Variants in ABLIM1 observed in about 807,000 individuals in gnomAD.
ABLIM1 encodes the protein actin-binding LIM protein 1.
A neutral mutation model predicts 107.0 loss-of-function variants in ABLIM1; 40 were observed. That is an observed-to-expected ratio of 0.37 (90% CI 0.29 to 0.49). ABLIM1 has a LOEUF of 0.49. Ranked by LOEUF, ABLIM1 falls within the 20% of genes least tolerant of loss-of-function variation. ABLIM1 has a pLI of 0.97. For synonymous variants in ABLIM1, 357 were observed against 357.3 expected (o/e 1.00, Z 0.01); for missense variants, 857 against 1,008.5 (o/e 0.85, Z 2.04).
intron 6 of ABLIM1, among the ~76,000 whole-genome samples, chr10:114,517,712 T>C (rs2063097019): frequency 6.6e-6 from 1 of 152,152 alleles, no homozygotes; most frequent in Admixed American, 6.5e-5. Flanking sequence ...TTCACAGAAA[T>C]TGCCTCATAA....
chr10:114,676,099 T>A (rs903925967), intron 1 of ABLIM1, among the ~76,000 whole-genome samples: 1 of 152,146 alleles, frequency 6.6e-6, no homozygotes, highest in East Asian at 1.9e-4. Context: ...ATTCAATGCA[T>A]AACCAGAAGA....
intron 1 of ABLIM1, among the ~76,000 whole-genome samples, chr10:114,643,100 G>T (rs1210936337): frequency 6.6e-6 from 1 of 152,108 alleles, no homozygotes; most frequent in Non-Finnish European, 1.5e-5. Context: ...ATTAAGAGAT[G>T]AATTAAAATA....
chr10:114,644,920 A>G (rs749208574), intron 1 of ABLIM1, among the ~76,000 whole-genome samples: 1 of 152,194 alleles, frequency 6.6e-6, no homozygotes, highest in Non-Finnish European at 1.5e-5. Context: ...CTGGTCCTGG[A>G]GCAGCCTGGA....
At chr10:114,508,129 T>G (rs1041920604) in intron 6 of ABLIM1, among the ~76,000 whole-genome samples, 3 of 152,200 alleles carry the variant, frequency 2.0e-5, no homozygotes, top group African/African-American at 7.2e-5. Context: ...CAGGCTTTGT[T>G]GCATTTCATG....
chr10:114,621,616 T>C (rs2077469096), intron 1 of ABLIM1, among the ~76,000 whole-genome samples: 1 of 152,172 alleles, frequency 6.6e-6, no homozygotes, highest in South Asian at 2.1e-4. Context: ...CTGATTCCCT[T>C]GGGACTATAG....
chr10:114,611,395 C>T (rs2076800062), intron 1 of ABLIM1, among the ~76,000 whole-genome samples: 1 of 151,848 alleles, frequency 6.6e-6, no homozygotes, highest in African/African-American at 2.4e-5. Context: ...ATTGCTTGAA[C>T]CCAGGAGGCA....
chr10:114,745,321 G>A (rs1260381579), intron 1 of ABLIM1, among the ~76,000 whole-genome samples: 1 of 152,236 alleles, frequency 6.6e-6, no homozygotes, highest in African/African-American at 2.4e-5. Flanking sequence ...AGCACTTTGG[G>A]AGGCCAAGGC....
intron 1 of ABLIM1, chr10:114,690,404 A>G: frequency 6.2e-7 from 1 of 1,605,146 alleles, no homozygotes; most frequent in Non-Finnish European, 8.5e-7. Context: ...ATTTCTCCCC[A>G]TAGATGGACT....
At chr10:114,799,682 A>G in the ABLIM1 span, among the ~76,000 whole-genome samples, 10 of 152,230 alleles carry the variant, frequency 6.6e-5, no homozygotes, top group African/African-American at 2.4e-4. Context: ...AGCCACCATC[A>G]CTTCTTACTG....
intron 4 of ABLIM1, among the ~76,000 whole-genome samples, chr10:114,558,506 T>C (rs1057014465): frequency 6.6e-6 from 1 of 152,174 alleles, no homozygotes; most frequent in Non-Finnish European, 1.5e-5. Context: ...AGGGCTGGAC[T>C]CAATGGCTGA....
chr10:114,630,060 T>C (rs964475160), intron 1 of ABLIM1, among the ~76,000 whole-genome samples: 9 of 152,144 alleles, frequency 5.9e-5, no homozygotes, highest in Admixed American at 2.6e-4. Flanking sequence ...GCCAGTGACT[T>C]GTAGAGCAAT....
the ABLIM1 span, among the ~76,000 whole-genome samples, chr10:114,800,060 G>C: frequency 6.6e-6 from 1 of 152,204 alleles, no homozygotes; most frequent in Non-Finnish European, 1.5e-5. Context: ...ACAGGTGTGA[G>C]TCACCGCAGC....
chr10:114,445,436 A>G, intron 15 of ABLIM1, 33 bp from the exon 16 acceptor site: 2 of 1,575,286 alleles, frequency 1.3e-6, no homozygotes, highest in Non-Finnish European at 1.7e-6. Flanking sequence ...TTCTCACATC[A>G]GCCCCAAGAC....
rs1377895070 is a variant in ABLIM1, at chr10:114,680,208, G to A, written c.64+4082C>T. On this transcript the variant is annotated intron_variant, in intron 1 of 23. Transcript: ENST00000369256. ...TATTACGCGGGAGGCACTGTGCCAT[G>A]AGTCTTATAGATATTCTCACTTCAT... is the stretch of plus-strand genomic sequence containing the variant. Among the ~76,000 whole-genome samples, 3 of 152,186 alleles carry A rather than the reference G, an allele frequency of 2.0e-5. No homozygotes were observed. In the East Asian group the frequency reaches 5.8e-4, roughly 29 times the overall value.
intron 1 of ABLIM1, among the ~76,000 whole-genome samples, chr10:114,690,911 A>G (rs908631222): frequency 1.3e-5 from 2 of 152,116 alleles, no homozygotes; most frequent in African/African-American, 4.8e-5. Context: ...CGAACTCCTG[A>G]CCTCAACTGA....
chr10:114,526,139 A>G (rs2064697622), intron 6 of ABLIM1, among the ~76,000 whole-genome samples: 1 of 152,108 alleles, frequency 6.6e-6, no homozygotes, highest in African/African-American at 2.4e-5. Flanking sequence ...CCTTATTTTC[A>G]TTTATTGGGT....
Position 114,439,089 on chromosome 10 carries a change from C to A in ABLIM1, c.2142+87G>T, listed in dbSNP as rs758940140. 1.2e-4 allele frequency: 185 copies of A among 1,521,102 alleles called. 1 individual carries two copies. The highest frequency in any genetic ancestry group is 1.7e-4 in the Non-Finnish European group (183 of 1,099,404). The allele number at this position is 1,521,102 out of a possible 1,614,324, so 94.2% of individuals were successfully genotyped here. A position where few individuals can be genotyped will look rare whatever the true frequency, so the allele number is the denominator to read the frequency against. ...CACCTGAACACACCAGCCTACAACA[C>A]TTTGAGAATGATGAAAAGATAGAAC... On this transcript the variant is annotated intron_variant, in intron 21 of 22. Transcript: ENST00000533213.
chr10:114,597,791 G>A (rs754143055), intron 2 of ABLIM1, among the ~76,000 whole-genome samples: 4 of 152,108 alleles, frequency 2.6e-5, no homozygotes, highest in Non-Finnish European at 5.9e-5. Context: ...TAAGAGGAGA[G>A]AGAGGAAAAA....
chr10:114,492,844 C>G (rs12217279), intron 6 of ABLIM1, among the ~76,000 whole-genome samples: 2,707 of 152,270 alleles, frequency 0.018, 43 homozygotes, highest in East Asian at 0.059. Context: ...TCAGATGTCA[C>G]GTGGTAATTC....
Sources: allele counts gnomAD v4.1 joint callset (sites outside exome capture counted in the v4.1 genomes callset), GRCh38; gene constraint gnomAD v4.1.1; transcripts MANE v1.5; gene names NCBI Gene and HGNC (gene_info 2026-07-23, HGNC 2026-07-21).